Variants in ZNF883 observed in about 807,000 individuals in gnomAD.
The protein encoded by ZNF883 is zinc finger protein 883.
intron 1 of ZNF883, among the ~76,000 whole-genome samples, chr9:112,988,894 G>A (rs13291146): frequency 0.071 from 10,788 of 151,150 alleles, 533 homozygotes; most frequent in Non-Finnish European, 0.11. Flanking sequence ...AGTGATGTTG[G>A]TTTTTTTTTC....
downstream of ZNF883, among the ~76,000 whole-genome samples, chr9:112,996,809 A>G (rs1315209833): frequency 2.0e-5 from 3 of 150,146 alleles, 1 homozygote; most frequent in South Asian, 4.2e-4. Context: ...AAAAAAAAAA[A>G]AAAAAAAAAA....
chr9:113,000,258 T>C (rs917441670), upstream of ZNF883, among the ~76,000 whole-genome samples: 3 of 152,184 alleles, frequency 2.0e-5, no homozygotes, highest in Non-Finnish European at 4.4e-5. Context: ...TTCAAATGTA[T>C]GTATGTTTTT....
At chr9:112,999,308 C>T (rs143358705), upstream of ZNF883, among the ~76,000 whole-genome samples, 31 of 152,296 alleles carry the variant, frequency 2.0e-4, no homozygotes, top group African/African-American at 7.2e-4. Flanking sequence ...CACAACATTT[C>T]TGACAAATTG....
rs140806019 is a variant in ZNF883 at position 112,991,335 on chromosome 9, T to C, written n.309+7368A>G. Among the ~76,000 whole-genome samples, 131 of 152,300 alleles carry C rather than the reference T, an allele frequency of 8.6e-4. 1 individual carries two copies. Among genetic ancestry groups the C allele is most frequent in the African/African-American group, 3.0e-3 (126 of 41,564 alleles). ...AAAAACAATTTGATTTCTGCCTTAA[T>C]TGTTTACTCAGGAGTCATTCAGGAG... On this transcript the variant is annotated intron_variant and non_coding_transcript_variant, in intron 1 of 9. Transcript: ENST00000638823.
downstream of ZNF883, among the ~76,000 whole-genome samples, chr9:112,993,213 A>T (rs1010584313): frequency 6.6e-6 from 1 of 152,150 alleles, no homozygotes; most frequent in Admixed American, 6.5e-5. Context: ...TCATGAGTTT[A>T]TCTAGCTTTG....
downstream of ZNF883, among the ~76,000 whole-genome samples, chr9:112,994,932 T>C (rs1278525614): frequency 3.9e-5 from 6 of 152,222 alleles, no homozygotes; most frequent in East Asian, 9.6e-4. Context: ...GCATCAAACA[T>C]CATTTATCTC....
At chr9:113,012,111 TC>T in intron 1 of ZNF883, 38 bp downstream of exon 1, 1 of 152,194 alleles carries the variant, frequency 6.6e-6, no homozygotes, top group African/African-American at 2.4e-5. Context: ...TCTCCCCACC[TC>T]CCACACGAGT....
At chr9:112,999,960 T>C (rs943191996), upstream of ZNF883, 2 of 152,220 alleles carry the variant, frequency 1.3e-5, no homozygotes, top group African/African-American at 4.8e-5. Context: ...AGATCCACTA[T>C]TGAGGCTATC....
chr9:112,993,407 A>G (rs189247358), downstream of ZNF883, among the ~76,000 whole-genome samples: 13 of 152,300 alleles, frequency 8.5e-5, no homozygotes, highest in East Asian at 2.3e-3. Flanking sequence ...AATAGCAAAG[A>G]TGGCTGCCTG....
intron 1 of ZNF883, among the ~76,000 whole-genome samples, chr9:112,991,081 G>T (rs1828297582): frequency 6.6e-6 from 1 of 151,724 alleles, no homozygotes; most frequent in Non-Finnish European, 1.5e-5. Flanking sequence ...TTTTTTGAAG[G>T]GTTATTTGTG....
exon 1 of ZNF883, chr9:112,997,800 C>T (rs1375768397): frequency 1.2e-6 from 2 of 1,613,208 alleles, no homozygotes; most frequent in Admixed American, 1.7e-5. Context: ...TCAGTACATT[C>T]ATATGGTTTC....
chr9:113,000,709 C>A (rs868849679), upstream of ZNF883, among the ~76,000 whole-genome samples: 3 of 152,162 alleles, frequency 2.0e-5, no homozygotes, highest in Non-Finnish European at 2.9e-5. Context: ...CTACCCAGGG[C>A]AAGTTGGTGA....
chr9:112,988,941 G>A (rs566071400), intron 1 of ZNF883, among the ~76,000 whole-genome samples: 2 of 152,052 alleles, frequency 1.3e-5, no homozygotes, highest in East Asian at 3.9e-4. Flanking sequence ...CTTTTGAGAA[G>A]TGTCTGTTCA....
At chr9:113,001,064 A>C (rs1225566787), upstream of ZNF883, among the ~76,000 whole-genome samples, 1 of 152,126 alleles carries the variant, frequency 6.6e-6, no homozygotes, top group African/African-American at 2.4e-5. Flanking sequence ...GAAAGTCTGA[A>C]CAGAGAAAGG....
upstream of ZNF883, among the ~76,000 whole-genome samples, chr9:113,002,840 A>G (rs1210835839): frequency 6.6e-6 from 1 of 152,078 alleles, no homozygotes; most frequent in Non-Finnish European, 1.5e-5. Context: ...GGGATTAAGG[A>G]CCTTATAAAA....
At chr9:113,009,482 C>T (rs1828510112) in intron 2 of ZNF883, among the ~76,000 whole-genome samples, 1 of 152,024 alleles carries the variant, frequency 6.6e-6, no homozygotes, top group Admixed American at 6.6e-5. Context: ...TAATCCCCCT[C>T]CCCTCCCCAA....
At position 112,997,224 on chromosome 9, in the gene ZNF883, C is replaced by T. The variant is rs1364037866; in HGVS notation, n.1036G>A. ...CACTTAGTACATTGATAGGGTCTCT[C>T]CCTTGTATGTATTCGCTTATGTTTA... On this transcript the variant is annotated non_coding_transcript_exon_variant, in exon 1 of 1. Transcript: ENST00000639662. 4 of 1,613,986 alleles carry T rather than the reference C, an allele frequency of 2.5e-6. No individual in the cohort carries two copies. In the Admixed American group the frequency reaches 6.7e-5, roughly 27 times the overall value.
rs200334238 is a variant in ZNF883 at position 112,997,319 on chromosome 9, G to A, written n.941C>T. Reference sequence around the variant, plus strand: ...CTGGTAGGGTTTCTCTCCTGTATGCGTCCTCTGATGTCGAATTAGTGATGT... The same window carrying A: ...CTGGTAGGGTTTCTCTCCTGTATGCATCCTCTGATGTCGAATTAGTGATGT... On this transcript the variant is annotated non_coding_transcript_exon_variant, in exon 1 of 1. Coordinates refer to ENST00000639662, the Ensembl canonical transcript of ZNF883. The A allele has an allele frequency of 4.6e-4, 740 of 1,613,894 alleles. 2 individuals carry two copies. The highest frequency in any genetic ancestry group is 1.6e-3 in the Middle Eastern group (10 of 6,062).
intron 2 of ZNF883, among the ~76,000 whole-genome samples, chr9:113,010,125 T>C (rs1382065109): frequency 6.6e-6 from 1 of 152,206 alleles, no homozygotes; most frequent in Non-Finnish European, 1.5e-5. Context: ...TATATCCCAA[T>C]GCTTAGAACA....
Sources: allele counts gnomAD v4.1 joint callset (sites outside exome capture counted in the v4.1 genomes callset), GRCh38; gene constraint gnomAD v4.1.1; transcripts MANE v1.5; gene names NCBI Gene and HGNC (gene_info 2026-07-23, HGNC 2026-07-21).